PEAK1: variants seen among roughly 807,000 people sequenced by gnomAD.
PEAK1 encodes pseudopodium enriched atypical kinase 1.
In PEAK1, 54 loss-of-function variants were observed where a neutral mutation model predicts 124.7. That is an observed-to-expected ratio of 0.43 (90% CI 0.35 to 0.54). The LOEUF (loss-of-function observed/expected upper bound fraction) is 0.54, where lower values mean the gene tolerates loss of function less well. Among genes scored for constraint, PEAK1 ranks in the 20% least tolerant of loss-of-function variants. PEAK1 has a pLI of 0.01. For synonymous variants in PEAK1, 719 were observed against 760.0 expected (o/e 0.95, Z 0.89); for missense variants, 2,046 against 2,134.5 (o/e 0.96, Z 0.82).
In PEAK1 at chr15:77,299,042, T is replaced by C. The variant is rs1300341948; in HGVS notation, c.-602-12538A>G. Among the ~76,000 whole-genome samples, 9 of 152,322 alleles carry C rather than the reference T, an allele frequency of 5.9e-5. No homozygotes were observed. In the South Asian group the frequency reaches 1.0e-3, roughly 18 times the overall value. On this transcript the variant is annotated intron_variant, in intron 2 of 9. Transcript: ENST00000682557. The stretch of plus-strand genomic sequence containing the variant: ...AAACTTTCACTCCCACACTTGGCAA[T>C]GCAACAGGCCAACAAAAAGCAATAA...
intron 1 of PEAK1, chr15:77,418,729 T>A: frequency 1.0e-6 from 1 of 985,328 alleles, no homozygotes; most frequent in Non-Finnish European, 1.2e-6. Flanking sequence ...CATGGAAAGT[T>A]TTACCCCGGT....
chr15:77,123,192 T>C lies in PEAK1; in HGVS notation c.4078-7873A>G, dbSNP rs190804043. ...ACCTACTATCCCAATTCTGGAACTGTTGGAAAATAACTAAAAAATTTATAC... is the reference window on the plus strand; with the variant it reads ...ACCTACTATCCCAATTCTGGAACTGCTGGAAAATAACTAAAAAATTTATAC... On this transcript the variant is annotated intron_variant, in intron 9 of 9. Transcript: ENST00000682557. Among the ~76,000 whole-genome samples, 42 of 152,336 alleles carry C rather than the reference T, an allele frequency of 2.8e-4. No homozygotes were observed. The East Asian group carries it at 4.6e-3, about 17-fold the overall frequency.
chr15:77,226,074 T>G, intron 6 of PEAK1, among the ~76,000 whole-genome samples: 2 of 137,314 alleles, frequency 1.5e-5, no homozygotes. Context: ...TATATATATA[T>G]ATATATATAT....
intron 2 of PEAK1, among the ~76,000 whole-genome samples, chr15:77,287,205 T>C (rs749688135): frequency 4.6e-5 from 7 of 152,210 alleles, no homozygotes; most frequent in Admixed American, 1.3e-4. Context: ...AGACTGACCA[T>C]GCAAAATTTA....
In PEAK1 at chr15:77,338,643, AAAT is replaced by A. The variant is rs1477774420; in HGVS notation, c.-603+26517_-603+26519del. 5.6e-3 allele frequency among the ~76,000 whole-genome samples: 718 copies of A among 129,174 alleles called. 4 individuals carry two copies. The highest frequency in any genetic ancestry group is 0.019 in the African/African-American group (677 of 36,192). 84.7% of individuals were successfully genotyped at this position (129,174 alleles called of 152,430 possible). A position where few individuals can be genotyped will look rare whatever the true frequency, so the allele number is the denominator to read the frequency against. ...CCACATGAAAAATCTTTAAAAAAAA[AAAT>A]ATATATATATATATATGTATCTAGC... On this transcript the variant is annotated intron_variant, in intron 2 of 9. Coordinates refer to ENST00000682557, the MANE Select transcript of PEAK1 (RefSeq NM_001385026.1).
intron 1 of PEAK1, among the ~76,000 whole-genome samples, chr15:77,373,423 C>A (rs1435417565): frequency 3.3e-5 from 5 of 152,184 alleles, no homozygotes; most frequent in African/African-American, 1.2e-4. Context: ...AAGCTCTCTA[C>A]AGGCAATGAC....
At position 77,179,048 on chromosome 15, in the gene PEAK1, ATGAC is replaced by A. The variant is rs1365640807; in HGVS notation, c.2875_2878del (p.Val959PhefsTer89). ...AACTGGAGGAGGAGGCAGCATGTGA[ATGAC>A]TGTGCCATCCAGGCCCACCAGTTTC... On this transcript the variant is annotated frameshift_variant, in exon 7 of 10. Transcript: ENST00000682557. LOFTEE classifies it high-confidence loss of function. 1.2e-6 allele frequency: 2 copies of A among 1,614,126 alleles called. No individual in the cohort carries two copies. The highest frequency in any genetic ancestry group is 1.7e-6 in the Non-Finnish European group (2 of 1,180,022).
chr15:77,348,145 G>A, intron 2 of PEAK1: 6 of 983,342 alleles, frequency 6.1e-6, no homozygotes, highest in Non-Finnish European at 7.2e-6. Flanking sequence ...CTCTACATGA[G>A]GTATATGGCA....
At chr15:77,173,788 A>C (rs553015232) in intron 7 of PEAK1, among the ~76,000 whole-genome samples, 16 of 152,332 alleles carry the variant, frequency 1.1e-4, no homozygotes, top group African/African-American at 3.6e-4. Context: ...TTGGCCTACA[A>C]TGTCTTTCCC....
intron 5 of PEAK1, among the ~76,000 whole-genome samples, chr15:77,262,358 G>A (rs911953064): frequency 9.9e-5 from 15 of 152,016 alleles, no homozygotes; most frequent in South Asian, 2.1e-4. Context: ...CTGTATTCAG[G>A]AAACCCATCT....
chr15:77,238,155 AT>A (rs1279532608), intron 6 of PEAK1, among the ~76,000 whole-genome samples: 6 of 152,108 alleles, frequency 3.9e-5, no homozygotes, highest in Non-Finnish European at 8.8e-5. Flanking sequence ...TATGCTTATC[AT>A]GAGTACTGCA....
At position 77,342,404 on chromosome 15, in the gene PEAK1, TC is replaced by T. The variant is rs546875488; in HGVS notation, c.-603+22758del. Among the ~76,000 whole-genome samples the T allele has an allele frequency of 1.9e-4, 24 of 124,278 alleles. No individual in the cohort carries two copies. In the Admixed American group the frequency reaches 2.0e-3, roughly 10 times the overall value. The allele number at this position is 124,278 out of a possible 152,430, so 81.5% of individuals were successfully genotyped here. ...CATATAAGTAGAATCATACAGCATG[TC>T]TTTTTTTTTTTTTTTTTTTGAGACA... On this transcript the variant is annotated intron_variant, in intron 2 of 9. Transcript: ENST00000682557.
At chr15:77,404,413 A>C (rs1048657919) in intron 1 of PEAK1, 1 of 820,786 alleles carries the variant, frequency 1.2e-6, no homozygotes, top group African/African-American at 1.9e-5. Context: ...AGTGGAAAAT[A>C]TACATTGGAT....
intron 1 of PEAK1, chr15:77,418,363 T>A (rs1438698613): frequency 1.2e-5 from 12 of 984,936 alleles, no homozygotes; most frequent in African/African-American, 1.7e-5. Flanking sequence ...CCACATAATG[T>A]AGTCATGTTA....
chr15:77,272,845 A>G (rs1228982150), intron 5 of PEAK1, among the ~76,000 whole-genome samples: 2 of 152,194 alleles, frequency 1.3e-5, no homozygotes, highest in African/African-American at 4.8e-5. Flanking sequence ...TGATGAACAT[A>G]GATGCAAAAA....
At chr15:77,227,936 C>T (rs1051435767) in intron 6 of PEAK1, among the ~76,000 whole-genome samples, 1 of 151,894 alleles carries the variant, frequency 6.6e-6, no homozygotes, top group African/African-American at 2.4e-5. Context: ...TTCAAGGTTG[C>T]AGTGAGGTAT....
At chr15:77,270,164 C>G (rs1219292552) in intron 5 of PEAK1, among the ~76,000 whole-genome samples, 3 of 152,092 alleles carry the variant, frequency 2.0e-5, no homozygotes, top group African/African-American at 7.2e-5. Context: ...AAACCCACAG[C>G]CAATATCATA....
chr15:77,402,835 A>G (rs1179657259), intron 1 of PEAK1: 1 of 985,414 alleles, frequency 1.0e-6, no homozygotes, highest in African/African-American at 1.7e-5. Flanking sequence ...ATGAAAAAAA[A>G]AATGCCCTAA....
intron 6 of PEAK1, among the ~76,000 whole-genome samples, chr15:77,222,752 C>T (rs2059444468): frequency 6.6e-6 from 1 of 151,946 alleles, no homozygotes. Context: ...GCATGGAGCT[C>T]CCACTAATAA....
Sources: gnomAD v4.1 joint callset for allele counts (sites outside exome capture counted in the v4.1 genomes callset) on GRCh38, gnomAD v4.1.1 for gene constraint, MANE v1.5 for transcripts, NCBI Gene and HGNC (gene_info 2026-07-23, HGNC 2026-07-21) for gene names.